Variants in DNAH14 observed in about 807,000 individuals in gnomAD.
DNAH14 encodes the protein axonemal beta dynein heavy chain 14.
Under a neutral mutation model 520.9 loss-of-function variants are expected in DNAH14, and 478 were observed. That is an observed-to-expected ratio of 0.92 (90% CI 0.85 to 0.99). The LOEUF (loss-of-function observed/expected upper bound fraction) is 0.99. DNAH14 is among the 50% of genes least tolerant of loss of function. The pLI is 0.00. For synonymous variants in DNAH14, 1,581 were observed against 1,757.2 expected, an observed-to-expected ratio of 0.90 and a Z score of 2.51; for missense variants, 4,831 against 5,234.5, an observed-to-expected ratio of 0.92 and a Z score of 2.38.
In DNAH14 at chr1:225,168,897, C is replaced by T. The variant is rs761721830; in HGVS notation, c.5535+869C>T. Among the ~76,000 whole-genome samples the T allele has an allele frequency of 9.9e-5, 15 of 152,260 alleles. No homozygotes were observed. The South Asian group carries it at 1.0e-3, about 11-fold the overall frequency. On this transcript the variant is annotated intron_variant, in intron 36 of 85. Coordinates refer to ENST00000682510, the MANE Select transcript of DNAH14 (RefSeq NM_001367479.1). The stretch of plus-strand genomic sequence containing the variant: ...TCAAGTAGCCTAACTGGGAGGCATG[C>T]CCTAGTAGGGGCAGACTGACACCTC...
chr1:225,034,711 T>G (rs1262526326), intron 11 of DNAH14, among the ~76,000 whole-genome samples: 1 of 152,162 alleles, frequency 6.6e-6, no homozygotes, highest in Non-Finnish European at 1.5e-5. Flanking sequence ...GGTCCTGAGC[T>G]TTTTTCTTGG....
Position 225,204,168 on chromosome 1 carries a change from G to A in DNAH14, c.5887-15G>A. On this transcript the variant is annotated splice_polypyrimidine_tract_variant and intron_variant, in intron 38 of 85. Transcript: ENST00000682510. ...ATTAAATAAAAATTTAAACATTATT[G>A]ATTACATATTTTAGGTTTTCAAACT... The A allele has an allele frequency of 7.6e-7, 1 of 1,315,170 alleles. No homozygotes were observed. The highest frequency in any genetic ancestry group is 1.6e-5 in the South Asian group (1 of 64,072). The allele number at this position is 1,315,170 out of a possible 1,614,324, so 81.5% of individuals were successfully genotyped here.
chr1:225,041,306 T>C (rs1443512780), intron 12 of DNAH14, among the ~76,000 whole-genome samples: 2 of 152,218 alleles, frequency 1.3e-5, no homozygotes, highest in Non-Finnish European at 2.9e-5. Flanking sequence ...CTGGTAATCA[T>C]TGGTGCTGCC....
At chr1:225,057,101 G>T (rs1018756586) in intron 17 of DNAH14, among the ~76,000 whole-genome samples, 1 of 152,174 alleles carries the variant, frequency 6.6e-6, no homozygotes, top group Non-Finnish European at 1.5e-5. Flanking sequence ...GGATGGCATT[G>T]AATCTATAAA....
At chr1:225,097,992 G>A (rs1243928425) in intron 22 of DNAH14, among the ~76,000 whole-genome samples, 1 of 152,038 alleles carries the variant, frequency 6.6e-6, no homozygotes, top group East Asian at 1.9e-4. Flanking sequence ...GGAGTTTGAG[G>A]CCATCTTGGG....
rs75568712 is a variant in DNAH14, at chr1:225,023,720, T to C, written c.1213T>C (p.Phe405Leu). The C allele has an allele frequency of 0.07, 108,067 of 1,550,782 alleles. 4,142 individuals carry two copies. The highest frequency in any genetic ancestry group is 0.077 in the Non-Finnish European group (88,811 of 1,146,456). Residue 405 changes from phenylalanine to leucine, a missense_variant, in exon 11 of 86, where the codon TTC becomes CTC. Coordinates refer to ENST00000682510, the MANE Select transcript of DNAH14 (RefSeq NM_001367479.1). ...ATATAGACGTTTATTAGAAACATTT[T>C]TCAAGTTTGTAATGCTGGTTGACTA... Reference protein sequence around the residue: ...PKYRRLLETFFKFVMLVDYIF... With the variant: ...PKYRRLLETFLKFVMLVDYIF...
At position 225,038,690 on chromosome 1, in the gene DNAH14, C is replaced by T. The variant is rs746926079; in HGVS notation, c.1359-4C>T. 41 of 1,522,414 alleles carry T rather than the reference C, an allele frequency of 2.7e-5. No homozygotes were observed. The highest frequency in any genetic ancestry group is 9.4e-5 in the Admixed American group (4 of 42,688). 94.3% of individuals were successfully genotyped at this position (1,522,414 alleles called of 1,614,324 possible). ...GATTTTTTTCTTCCCATTTCTTAAT[C>T]CAGAACATTCAAGGACAACTCTTTT... On this transcript the variant is annotated splice_polypyrimidine_tract_variant and splice_region_variant and intron_variant, in intron 11 of 85. Transcript: ENST00000682510.
intron 41 of DNAH14, among the ~76,000 whole-genome samples, chr1:225,215,273 A>T (rs1215048313): frequency 6.6e-6 from 1 of 152,122 alleles, no homozygotes; most frequent in Non-Finnish European, 1.5e-5. Context: ...TCTGAGAGGT[A>T]GTTCGTTATA....
intron 78 of DNAH14, among the ~76,000 whole-genome samples, chr1:225,376,470 A>G (rs987515724): frequency 1.3e-5 from 2 of 152,236 alleles, no homozygotes; most frequent in African/African-American, 4.8e-5. Context: ...TGCCCAAAGA[A>G]TACAATGTGC....
At chr1:225,170,552 A>T (rs373561897) in intron 36 of DNAH14, among the ~76,000 whole-genome samples, 2 of 152,172 alleles carry the variant, frequency 1.3e-5, no homozygotes, top group Non-Finnish European at 2.9e-5. Flanking sequence ...AGGGATCAAT[A>T]CAACAAGAAG....
At chr1:225,126,916 C>G (rs1054185612) in intron 27 of DNAH14, among the ~76,000 whole-genome samples, 13 of 151,668 alleles carry the variant, frequency 8.6e-5, no homozygotes, top group Admixed American at 2.6e-4. Context: ...TGTCTTAGTT[C>G]TCGTTGGTTT....
chr1:224,970,293 G>A (rs1007864074), intron 7 of DNAH14, among the ~76,000 whole-genome samples: 3 of 152,242 alleles, frequency 2.0e-5, no homozygotes, highest in Non-Finnish European at 2.9e-5. Flanking sequence ...ATTTTGGTGA[G>A]ACCGGTTGTC....
intron 38 of DNAH14, among the ~76,000 whole-genome samples, chr1:225,199,479 A>G (rs1324546536): frequency 6.6e-6 from 1 of 152,130 alleles, no homozygotes; most frequent in Admixed American, 6.6e-5. Flanking sequence ...GTTTAGGGCT[A>G]TGAACTTTCC....
At chr1:225,156,958 G>A (rs1435592153) in intron 34 of DNAH14, among the ~76,000 whole-genome samples, 3 of 109,252 alleles carry the variant, frequency 2.7e-5, no homozygotes, top group Non-Finnish European at 5.6e-5. Flanking sequence ...CTCGTGATCC[G>A]CCCGCCTCGG....
intron 43 of DNAH14, 105 bp downstream of exon 43, chr1:225,240,927 G>A (rs1276568927): frequency 6.3e-5 from 54 of 853,770 alleles, no homozygotes; most frequent in Admixed American, 2.9e-5. Flanking sequence ...TGTTAAGATT[G>A]AAGGAAAAAG....
rs1343412238 is a variant in DNAH14, at chr1:225,156,710, T to A, written c.5274-2604T>A. Among the ~76,000 whole-genome samples the A allele has an allele frequency of 5.5e-4, 15 of 27,222 alleles. No individual in the cohort carries two copies. The African/African-American group carries it at 7.3e-3, about 13-fold the overall frequency. The allele number at this position is 27,222 out of a possible 152,430, so 17.9% of individuals were successfully genotyped here. The stretch of plus-strand genomic sequence containing the variant: ...CTAGGATAAACTCCTCTTAAAATTC[T>A]TTTTTTTTTTTTTTTTTTTTTTGAG... On this transcript the variant is annotated intron_variant, in intron 34 of 85. Transcript: ENST00000682510.
At chr1:224,991,097 T>A (rs977583428) in intron 8 of DNAH14, among the ~76,000 whole-genome samples, 28 of 128,562 alleles carry the variant, frequency 2.2e-4, no homozygotes, top group African/African-American at 7.6e-4. Flanking sequence ...TTTTTTTTTT[T>A]TTTTTTTTTT....
intron 8 of DNAH14, among the ~76,000 whole-genome samples, chr1:224,978,021 A>G (rs1368166120): frequency 6.6e-6 from 1 of 152,202 alleles, no homozygotes; most frequent in African/African-American, 2.4e-5. Context: ...ATAAATGCTG[A>G]TGAGGATATG....
chr1:224,985,839 C>T (rs1249933683), intron 8 of DNAH14, among the ~76,000 whole-genome samples: 1 of 151,024 alleles, frequency 6.6e-6, no homozygotes, highest in Non-Finnish European at 1.5e-5. Flanking sequence ...TGAAGACAGG[C>T]TATTTGAAAA....
Sources: gnomAD v4.1 joint callset for allele counts (sites outside exome capture counted in the v4.1 genomes callset) on GRCh38, gnomAD v4.1.1 for gene constraint, MANE v1.5 for transcripts, NCBI Gene and HGNC (gene_info 2026-07-23, HGNC 2026-07-21) for gene names.